Variants in LARP4B observed in about 807,000 individuals in gnomAD.
LARP4B encodes La ribonucleoprotein 4B.
In LARP4B, 12 loss-of-function variants were observed where a neutral mutation model predicts 89.8. That is an observed-to-expected ratio of 0.13 (90% CI 0.09 to 0.22). LARP4B has a LOEUF of 0.22. LARP4B is among the 10% of genes least tolerant of loss of function. The pLI is 1.00. For missense variants in LARP4B, 757 were observed against 947.7 expected (o/e 0.80, Z 2.64); for synonymous variants, 367 against 363.3 (o/e 1.01, Z -0.12).
chr10:981,064 C>T, the LARP4B span, among the ~76,000 whole-genome samples: 3 of 152,208 alleles, frequency 2.0e-5, no homozygotes, highest in African/African-American at 7.2e-5. Flanking sequence ...TGCCCTAAAG[C>T]ATCACTTTTT....
chr10:925,286 T>C (rs1159213998), intron 1 of LARP4B, among the ~76,000 whole-genome samples: 1 of 152,170 alleles, frequency 6.6e-6, no homozygotes, highest in Non-Finnish European at 1.5e-5. Flanking sequence ...AGTGTTCAAC[T>C]GGTCAGAACA....
At chr10:918,374 T>C (rs1164033800) in intron 1 of LARP4B, among the ~76,000 whole-genome samples, 1 of 152,216 alleles carries the variant, frequency 6.6e-6, no homozygotes, top group Admixed American at 6.5e-5. Flanking sequence ...GGCACATGCC[T>C]GTAATCCCAG....
intron 1 of LARP4B, among the ~76,000 whole-genome samples, chr10:909,640 G>C (rs11592807): frequency 0.7 from 105,715 of 151,430 alleles, 37,281 homozygotes; most frequent in South Asian, 0.76. Flanking sequence ...CAAAAATTTG[G>C]CAGGCATGGT....
At chr10:865,373 C>G (rs1359956129) in intron 3 of LARP4B, among the ~76,000 whole-genome samples, 2 of 152,174 alleles carry the variant, frequency 1.3e-5, no homozygotes, top group Non-Finnish European at 1.5e-5. Context: ...CAGTTAGTCC[C>G]ACAGGGCAGT....
chr10:832,276 C>T (rs549222022), intron 8 of LARP4B, among the ~76,000 whole-genome samples: 1 of 152,138 alleles, frequency 6.6e-6, no homozygotes, highest in Non-Finnish European at 1.5e-5. Context: ...ATCTCCTGAC[C>T]TCGTGATCCG....
chr10:860,176 C>T (rs1008431008), intron 5 of LARP4B, among the ~76,000 whole-genome samples: 41 of 151,844 alleles, frequency 2.7e-4, no homozygotes, highest in Non-Finnish European at 4.9e-4. Flanking sequence ...CACTAAAACT[C>T]GCTGTGAACC....
chr10:826,452 G>A (rs1832628831), intron 11 of LARP4B, among the ~76,000 whole-genome samples: 1 of 152,146 alleles, frequency 6.6e-6, no homozygotes, highest in African/African-American at 2.4e-5. Flanking sequence ...AGATTCAGAA[G>A]AAATTAGAAA....
At chr10:871,592 G>A (rs1835200874) in intron 3 of LARP4B, among the ~76,000 whole-genome samples, 1 of 152,076 alleles carries the variant, frequency 6.6e-6, no homozygotes, top group African/African-American at 2.4e-5. Flanking sequence ...TGGCAGCAGG[G>A]GACTTCTGGC....
the LARP4B span, among the ~76,000 whole-genome samples, chr10:945,245 A>G: frequency 2.6e-5 from 4 of 152,000 alleles, no homozygotes; most frequent in East Asian, 1.9e-4. Context: ...TTAGCTGGGC[A>G]TTATGATAGG....
At chr10:941,737 T>C in the LARP4B span, among the ~76,000 whole-genome samples, 1 of 152,068 alleles carries the variant, frequency 6.6e-6, no homozygotes, top group East Asian at 1.9e-4. Flanking sequence ...TTTCAGTTAT[T>C]TTTTTATTTT....
At chr10:923,977 C>A (rs1177372530) in intron 1 of LARP4B, among the ~76,000 whole-genome samples, 13 of 152,282 alleles carry the variant, frequency 8.5e-5, no homozygotes, top group African/African-American at 3.1e-4. Flanking sequence ...AGGCCAGGTG[C>A]AATGGCTCAC....
At chr10:848,499 G>A (rs1423393007) in intron 5 of LARP4B, among the ~76,000 whole-genome samples, 10 of 151,352 alleles carry the variant, frequency 6.6e-5, no homozygotes, top group African/African-American at 2.2e-4. Flanking sequence ...TAACTGAAAA[G>A]GATGTTAAAA....
rs12252517 is a variant in LARP4B at position 848,402 on chromosome 10, A to C, written c.431-3347T>G. ...TCTAACCAAAAATTACCATGCATGC[A>C]AAGAAAGAAGCAGGAAGATATGACC... is the stretch of plus-strand genomic sequence containing the variant. On this transcript the variant is annotated intron_variant, in intron 5 of 17. Coordinates refer to ENST00000316157, the MANE Select transcript of LARP4B (RefSeq NM_015155.3). Among the ~76,000 whole-genome samples the C allele has an allele frequency of 1.3e-3, 205 of 152,328 alleles. 1 individual carries two copies. The highest frequency in any genetic ancestry group is 4.8e-3 in the African/African-American group (201 of 41,578).
chr10:966,997 T>G, the LARP4B span, among the ~76,000 whole-genome samples: 1 of 152,242 alleles, frequency 6.6e-6, no homozygotes, highest in Admixed American at 6.5e-5. Flanking sequence ...GTTCGAACCC[T>G]TTCCTTTGAG....
chr10:906,480 G>A (rs993150933), intron 1 of LARP4B, among the ~76,000 whole-genome samples: 1 of 152,248 alleles, frequency 6.6e-6, no homozygotes, highest in African/African-American at 2.4e-5. Context: ...GAGAAGCCCA[G>A]CGCCAGTGTG....
intron 15 of LARP4B, among the ~76,000 whole-genome samples, chr10:816,873 T>G (rs1011317549): frequency 2.0e-5 from 3 of 152,142 alleles, no homozygotes; most frequent in Admixed American, 1.3e-4. Flanking sequence ...TGGTTCTATC[T>G]ACTGCGGGGC....
intron 1 of LARP4B, among the ~76,000 whole-genome samples, chr10:922,909 C>G (rs762888928): frequency 6.6e-6 from 1 of 152,008 alleles, no homozygotes. Flanking sequence ...CCCGTCTCTA[C>G]TAAAAATACA....
chr10:864,310 C>G (rs578136143), intron 3 of LARP4B, 40 bp from the exon 4 acceptor site: 2 of 1,605,836 alleles, frequency 1.2e-6, no homozygotes, highest in African/African-American at 2.7e-5. Flanking sequence ...ATCCAAATGT[C>G]AACCAAATAC....
At chr10:927,505 C>T (rs1837176618) in intron 1 of LARP4B, among the ~76,000 whole-genome samples, 1 of 152,176 alleles carries the variant, frequency 6.6e-6, no homozygotes, top group South Asian at 2.1e-4. Flanking sequence ...ATCAAAATAA[C>T]TCTAGAAGTA....
Sources: gnomAD v4.1 joint callset for allele counts (sites outside exome capture counted in the v4.1 genomes callset) on GRCh38, gnomAD v4.1.1 for gene constraint, MANE v1.5 for transcripts, NCBI Gene and HGNC (gene_info 2026-07-23, HGNC 2026-07-21) for gene names.